Variants in ADARB1 observed in about 807,000 individuals in gnomAD.
The protein encoded by ADARB1 is adenosine deaminase RNA specific B1.
ADARB1 carries 10 observed loss-of-function variants against 52.4 expected under a neutral mutation model. The observed-to-expected ratio is 0.19, with a 90% CI of 0.12 to 0.32. The LOEUF (loss-of-function observed/expected upper bound fraction) is 0.32. ADARB1 is among the 10% of genes least tolerant of loss of function. The pLI, the probability that ADARB1 is intolerant of heterozygous loss-of-function variation, is 1.00. For synonymous variants in ADARB1, 349 were observed against 371.1 expected (o/e 0.94, Z 0.68); for missense variants, 643 against 922.3 (o/e 0.70, Z 3.92).
chr21:45,177,554 A>C (rs2091752999), intron 4 of ADARB1: 1 of 152,208 alleles, frequency 6.6e-6, no homozygotes, highest in Non-Finnish European at 1.5e-5. Flanking sequence ...TTTTCTTGGA[A>C]ATCCAAAGTT....
chr21:45,225,643 T>C lies in ADARB1; in HGVS notation c.*3446T>C. ...GAGACTGCACATCCGGACCTGCCCA[T>C]GTCTCAAAACAAACACATGTACAGT... On this transcript the variant is annotated 3_prime_UTR_variant, in exon 11 of 11. Transcript: ENST00000348831. The C allele has an allele frequency of 8.5e-7, 1 of 1,174,122 alleles. No individual in the cohort carries two copies. The highest frequency in any genetic ancestry group is 1.1e-6 in the Non-Finnish European group (1 of 895,896). 72.7% of individuals were successfully genotyped at this position (1,174,122 alleles called of 1,614,324 possible). A position where few individuals can be genotyped will look rare whatever the true frequency, so the allele number is the denominator to read the frequency against.
intron 2 of ADARB1, among the ~76,000 whole-genome samples, chr21:45,147,686 G>T (rs1353965669): frequency 6.6e-6 from 1 of 152,228 alleles, no homozygotes; most frequent in Non-Finnish European, 1.5e-5. Flanking sequence ...AGCCGGGCTG[G>T]CCCCAGAGCT....
intron 1 of ADARB1, among the ~76,000 whole-genome samples, chr21:45,105,761 G>T (rs1013631288): frequency 1.3e-5 from 2 of 152,202 alleles, no homozygotes; most frequent in Non-Finnish European, 2.9e-5. Context: ...TCGTGAAAAC[G>T]TATTGTTGGT....
chr21:45,153,701 G>T (rs2090418780), intron 2 of ADARB1, among the ~76,000 whole-genome samples: 2 of 152,194 alleles, frequency 1.3e-5, no homozygotes, highest in African/African-American at 4.8e-5. Flanking sequence ...CTGTGTCTGG[G>T]AGTGGGGAAC....
In ADARB1 at chr21:45,223,739, G is replaced by A. The variant is rs920674411; in HGVS notation, c.*1542G>A. ...GTCATCCTCCCACCGGACGCTGGGA[G>A]CTCAGACCCCAAAACTGAAACACCG... On this transcript the variant is annotated 3_prime_UTR_variant, in exon 11 of 11. Transcript: ENST00000348831. 4 of 985,522 alleles carry A rather than the reference G, an allele frequency of 4.1e-6. No homozygotes were observed. The South Asian group carries it at 1.9e-4, about 46-fold the overall frequency. 61.0% of individuals were successfully genotyped at this position (985,522 alleles called of 1,614,324 possible).
intron 2 of ADARB1, among the ~76,000 whole-genome samples, chr21:45,129,727 A>G (rs1170534778): frequency 6.6e-6 from 1 of 152,076 alleles, no homozygotes; most frequent in Admixed American, 6.5e-5. Context: ...AGCCATAGGT[A>G]GGGGGCGGTC....
At chr21:45,107,064 G>A (rs779727190) in intron 1 of ADARB1, among the ~76,000 whole-genome samples, 10 of 152,154 alleles carry the variant, frequency 6.6e-5, no homozygotes, top group Non-Finnish European at 1.3e-4. Flanking sequence ...ATATGCAAAC[G>A]TCAATGTTAT....
intron 1 of ADARB1, among the ~76,000 whole-genome samples, chr21:45,081,030 A>C (rs2086130813): frequency 6.6e-6 from 1 of 152,152 alleles, no homozygotes. Context: ...TCTTCTCAGT[A>C]GTTCAGCCAA....
rs191139084 is a variant in ADARB1, at chr21:45,203,494, G to A, written c.1566-1061G>A. On this transcript the variant is annotated intron_variant, in intron 8 of 10. Transcript: ENST00000348831. ...GTACTTCACACCCTGTGTATGTAGC[G>A]CCCAGCAAAGGGTGCTCCAGACACA... Among the ~76,000 whole-genome samples, 336 of 152,246 alleles carry A rather than the reference G, an allele frequency of 2.2e-3. 2 individuals carry two copies. The highest frequency in any genetic ancestry group is 7.2e-3 in the African/African-American group (297 of 41,520).
intron 1 of ADARB1, among the ~76,000 whole-genome samples, chr21:45,124,377 C>T (rs1325152494): frequency 6.6e-6 from 1 of 151,924 alleles, no homozygotes; most frequent in Non-Finnish European, 1.5e-5. Context: ...CTTTTCTTCT[C>T]TTTTCTTTTT....
At chr21:45,198,387 A>G (rs774090588) in intron 8 of ADARB1, among the ~76,000 whole-genome samples, 80 of 152,206 alleles carry the variant, frequency 5.3e-4, no homozygotes, top group Non-Finnish European at 1.1e-3. Context: ...CAGCACTGAT[A>G]GGTTTTAAAA....
At chr21:45,203,965 C>G (rs1415792207) in intron 8 of ADARB1, among the ~76,000 whole-genome samples, 1 of 152,148 alleles carries the variant, frequency 6.6e-6, no homozygotes, top group Admixed American at 6.5e-5. Flanking sequence ...TTAACAGTCA[C>G]TAATAATAAA....
intron 8 of ADARB1, among the ~76,000 whole-genome samples, chr21:45,196,934 CT>C (rs529541441): frequency 2.1e-3 from 321 of 152,326 alleles, no homozygotes; most frequent in African/African-American, 7.2e-3. Flanking sequence ...GTGGCTCATG[CT>C]TTTAATTCCA....
At chr21:45,162,885 C>T in intron 2 of ADARB1, among the ~76,000 whole-genome samples, 1 of 152,032 alleles carries the variant, frequency 6.6e-6, no homozygotes, top group East Asian at 1.9e-4. Flanking sequence ...ATTCACAGCA[C>T]CAGACACTTC....
At chr21:45,124,922 C>T (rs954961738) in intron 1 of ADARB1, among the ~76,000 whole-genome samples, 14 of 151,888 alleles carry the variant, frequency 9.2e-5, no homozygotes, top group Non-Finnish European at 1.6e-4. Flanking sequence ...CCTCAGCCTC[C>T]GAAGTAGCTG....
At chr21:45,155,826 C>T (rs2090543838) in intron 2 of ADARB1, among the ~76,000 whole-genome samples, 2 of 126,830 alleles carry the variant, frequency 1.6e-5, no homozygotes, top group South Asian at 6.1e-4. Flanking sequence ...TATCCATCAT[C>T]CATCCATCCA....
chr21:45,140,248 A>G (rs1161535609), intron 2 of ADARB1, among the ~76,000 whole-genome samples: 3 of 152,104 alleles, frequency 2.0e-5, no homozygotes, highest in African/African-American at 7.2e-5. Flanking sequence ...ATTCTGACAA[A>G]TGTATGCCAG....
At chr21:45,190,164 T>A (rs2092242064) in intron 8 of ADARB1, among the ~76,000 whole-genome samples, 1 of 152,168 alleles carries the variant, frequency 6.6e-6, no homozygotes, top group Admixed American at 6.5e-5. Context: ...CTCCTCTGAC[T>A]CAGTGATTTC....
chr21:45,221,086 T>G lies in ADARB1; in HGVS notation c.1926+72T>G. The G allele has an allele frequency of 6.8e-7, 1 of 1,474,338 alleles. No homozygotes were observed. Among genetic ancestry groups the G allele is most frequent in the Non-Finnish European group, 9.1e-7 (1 of 1,100,182 alleles). 91.3% of individuals were successfully genotyped at this position (1,474,338 alleles called of 1,614,324 possible). A position where few individuals can be genotyped will look rare whatever the true frequency, so the allele number is the denominator to read the frequency against. ...AGCTTGTCTGTCCTCACACCTACTGTTCCTTAAGTTGTTTCATCATGTCAT... is the reference window on the plus strand; with the variant it reads ...AGCTTGTCTGTCCTCACACCTACTGGTCCTTAAGTTGTTTCATCATGTCAT... On this transcript the variant is annotated intron_variant, in intron 10 of 10. Transcript: ENST00000348831. The surrounding 1 kb of genome is among the most constrained non-coding windows in gnomAD (Gnocchi z 4.9).
Sources: allele counts gnomAD v4.1 joint callset (sites outside exome capture counted in the v4.1 genomes callset), GRCh38; gene constraint gnomAD v4.1.1; non-coding constraint Gnocchi (gnomAD v3.1); transcripts MANE v1.5; gene names NCBI Gene and HGNC (gene_info 2026-07-23, HGNC 2026-07-21).